The following FTO variants were observed in gnomAD, a reference collection of about 807,000 sequenced individuals.
FTO encodes alpha-ketoglutarate-dependent dioxygenase FTO.
Under a neutral mutation model 63.9 loss-of-function variants are expected in FTO, and 47 were observed. That is an observed-to-expected ratio of 0.74 (90% CI 0.58 to 0.94). FTO has a LOEUF of 0.94. Ranked by LOEUF, FTO falls within the 40% of genes least tolerant of loss-of-function variation. The pLI is 0.00. For synonymous variants in FTO, 207 were observed against 224.4 expected, an observed-to-expected ratio of 0.92 and a Z score of 0.69; for missense variants, 562 against 618.1, an observed-to-expected ratio of 0.91 and a Z score of 0.96.
chr16:53,925,243 A>G (rs1434807119), intron 7 of FTO, among the ~76,000 whole-genome samples: 4 of 152,144 alleles, frequency 2.6e-5, no homozygotes, highest in Admixed American at 6.5e-5. Context: ...AGCCCTCATT[A>G]TCAGTCAGAG....
intron 7 of FTO, among the ~76,000 whole-genome samples, chr16:53,923,604 A>G (rs1261667953): frequency 2.0e-5 from 3 of 152,174 alleles, no homozygotes; most frequent in African/African-American, 7.2e-5. Context: ...GCTGGCGCCA[A>G]GGCCCAAGCA....
At chr16:53,975,689 T>G (rs1057121015) in intron 8 of FTO, among the ~76,000 whole-genome samples, 1 of 152,096 alleles carries the variant, frequency 6.6e-6, no homozygotes. Context: ...GACATGTAAT[T>G]TATATTTTAA....
chr16:54,119,331 C>T lies in FTO; in HGVS notation c.*7416C>T, dbSNP rs2086991515. The T allele has an allele frequency of 3.3e-5, 5 of 152,230 alleles. No homozygotes were observed. Among genetic ancestry groups the T allele is most frequent in the Admixed American group, 3.3e-4 (5 of 15,288 alleles). 9.4% of individuals were successfully genotyped at this position (152,230 alleles called of 1,614,324 possible). A position where few individuals can be genotyped will look rare whatever the true frequency, so the allele number is the denominator to read the frequency against. On this transcript the variant is annotated 3_prime_UTR_variant, in exon 9 of 9. Transcript: ENST00000471389. ...CGTTGGAACCAGAACAGTTAACCTT[C>T]AAACCCCCAAGGCTTGCAAGAGATG...
intron 4 of FTO, among the ~76,000 whole-genome samples, chr16:53,859,921 C>T (rs1020626716): frequency 6.6e-6 from 1 of 152,100 alleles, no homozygotes; most frequent in African/African-American, 2.4e-5. Context: ...TATGACCCAG[C>T]GATTCTACTT....
chr16:53,979,599 T>A (rs2083499403), intron 8 of FTO: 1 of 390,758 alleles, frequency 2.6e-6, no homozygotes, highest in African/African-American at 2.1e-5. Context: ...TCCTCTACAT[T>A]TTCCCCTTCC....
chr16:53,739,544 G>T (rs543870097), intron 1 of FTO, among the ~76,000 whole-genome samples: 7 of 152,196 alleles, frequency 4.6e-5, no homozygotes, highest in African/African-American at 9.6e-5. Context: ...AAACCCCAAG[G>T]CAACAGACAG....
intron 8 of FTO, among the ~76,000 whole-genome samples, chr16:54,035,279 T>C (rs549085062): frequency 6.6e-6 from 1 of 152,302 alleles, no homozygotes; most frequent in African/African-American, 2.4e-5. Flanking sequence ...CATCCAGAAA[T>C]GAAATGAAAC....
In FTO at chr16:54,112,010, T is replaced by G; in HGVS notation, c.*95T>G. 7.2e-7 allele frequency: 1 copy of G among 1,389,764 alleles called. No individual in the cohort carries two copies. 86.1% of individuals were successfully genotyped at this position (1,389,764 alleles called of 1,614,324 possible). ...AAGCAAGAGCAGTGGAGACTTCTCT[T>G]GGCCCCTAGATTGTAGCACCCGGGT... On this transcript the variant is annotated 3_prime_UTR_variant, in exon 9 of 9. Coordinates refer to ENST00000471389, the MANE Select transcript of FTO (RefSeq NM_001080432.3).
chr16:53,740,339 C>T (rs1290865634), intron 1 of FTO, among the ~76,000 whole-genome samples: 2 of 152,096 alleles, frequency 1.3e-5, no homozygotes, highest in Admixed American at 6.6e-5. Context: ...TCTGTTTTAT[C>T]GTACTAAAAA....
chr16:53,813,731 C>T (rs545629364), intron 2 of FTO, among the ~76,000 whole-genome samples: 22 of 152,104 alleles, frequency 1.4e-4, no homozygotes, highest in African/African-American at 3.1e-4. Flanking sequence ...TTGGGTCTGT[C>T]GATTGATCCT....
At chr16:53,844,132 A>G (rs1392553694) in intron 3 of FTO, 23 bp from the exon 4 acceptor site, 1 of 1,606,734 alleles carries the variant, frequency 6.2e-7, no homozygotes, top group East Asian at 2.2e-5. Flanking sequence ...TTCCTTTCTG[A>G]TCATTTTCTT....
At chr16:53,990,249 G>A (rs1398369514) in intron 8 of FTO, among the ~76,000 whole-genome samples, 2 of 152,148 alleles carry the variant, frequency 1.3e-5, no homozygotes, top group African/African-American at 4.8e-5. Context: ...GTGCCTTATA[G>A]CATACATTCA....
intron 7 of FTO, among the ~76,000 whole-genome samples, chr16:53,902,584 G>A (rs1207005711): frequency 6.6e-6 from 1 of 152,140 alleles, no homozygotes; most frequent in Non-Finnish European, 1.5e-5. Context: ...AGGCTCTCTG[G>A]TGTTGAGATG....
At position 53,844,295 on chromosome 16, in the gene FTO, C is replaced by T. The variant is rs746623287; in HGVS notation, c.892C>T (p.Leu298Phe). The T allele has an allele frequency of 1.2e-5, 20 of 1,611,780 alleles. No homozygotes were observed. In the South Asian group the frequency reaches 2.1e-4, roughly 17 times the overall value. ...TCACCAAGGAGACTGCTATTTCATG[C>T]TTGGTAATCTTTGGAAAATCAAAAT... Reference protein sequence around the residue: ...PLHQGDCYFMLDDLNATHQHC... With the variant: ...PLHQGDCYFMFDDLNATHQHC... The change falls in exon 4 of 9, where the codon CTT (leucine) becomes TTT (phenylalanine). Residue 298 changes from leucine to phenylalanine, a missense_variant. Coordinates refer to ENST00000471389, the MANE Select transcript of FTO (RefSeq NM_001080432.3).
chr16:53,810,192 C>T lies in FTO; in HGVS notation c.98C>T (p.Pro33Leu). The stretch of plus-strand genomic sequence containing the variant: ...GACACTTGGCTCCCTTATCTGACCC[C>T]CAAAGATGATGAATTCTATCAGCAG... The part of the protein sequence containing the change: ...LEDTWLPYLT[P>L]KDDEFYQQWQ... Residue 33 changes from proline to leucine, a missense_variant, in exon 2 of 9, where the codon CCC (proline) becomes CTC (leucine). Pro to Leu is a moderately conservative substitution (Grantham distance 98, BLOSUM62 -3). Coordinates refer to ENST00000471389, the MANE Select transcript of FTO (RefSeq NM_001080432.3). 2 of 1,609,862 alleles carry T rather than the reference C, an allele frequency of 1.2e-6. No homozygotes were observed. Among genetic ancestry groups the T allele is most frequent in the Non-Finnish European group, 1.7e-6 (2 of 1,176,712 alleles).
chr16:53,844,106 A>C (rs2079550678), intron 3 of FTO, 49 bp from the exon 4 acceptor site: 2 of 1,492,484 alleles, frequency 1.3e-6, no homozygotes, highest in African/African-American at 1.4e-5. Context: ...AAAATTCAGA[A>C]GCTTAGATTA....
chr16:53,789,951 CAA>C (rs975058821), intron 1 of FTO, among the ~76,000 whole-genome samples: 1 of 147,532 alleles, frequency 6.8e-6, no homozygotes, highest in African/African-American at 2.5e-5. Context: ...AATTATAACA[CAA>C]ATTATATATA....
At chr16:54,005,027 G>A (rs943207302) in intron 8 of FTO, among the ~76,000 whole-genome samples, 140 of 145,086 alleles carry the variant, frequency 9.6e-4, no homozygotes, top group African/African-American at 3.4e-3. Context: ...CCGAGATCGC[G>A]CCACGGCACT....
intron 8 of FTO, among the ~76,000 whole-genome samples, chr16:54,016,352 C>A (rs1191413812): frequency 1.3e-5 from 2 of 151,626 alleles, no homozygotes; most frequent in African/African-American, 2.4e-5. Context: ...GCAACAGTCA[C>A]TTGTAACAAT....
Sources: allele counts gnomAD v4.1 joint callset (sites outside exome capture counted in the v4.1 genomes callset), GRCh38; gene constraint gnomAD v4.1.1; transcripts MANE v1.5; gene names NCBI Gene and HGNC (gene_info 2026-07-23, HGNC 2026-07-21).